SNX30: variants seen among roughly 807,000 people sequenced by gnomAD.
SNX30 encodes the protein sorting nexin family member 30.
In SNX30, 24 loss-of-function variants were observed where a neutral mutation model predicts 46.4. The ratio of observed to expected loss-of-function variants is 0.52; its 90% CI spans 0.37 to 0.73. SNX30 has a LOEUF of 0.73. Ranked by LOEUF, SNX30 falls within the 30% of genes least tolerant of loss-of-function variation. The pLI is 0.00. For missense variants in SNX30, 533 were observed against 555.7 expected (o/e 0.96, Z 0.41); for synonymous variants, 189 against 211.5 (o/e 0.89, Z 0.92).
At position 112,854,867 on chromosome 9, in the gene SNX30, T is replaced by A. The variant is rs1841095411; in HGVS notation, c.1101+3922T>A. Among the ~76,000 whole-genome samples, 3 of 152,092 alleles carry A rather than the reference T, an allele frequency of 2.0e-5. No individual in the cohort carries two copies. In the South Asian group the frequency reaches 6.2e-4, roughly 32 times the overall value. On this transcript the variant is annotated intron_variant, in intron 7 of 8. Transcript: ENST00000374232. ...GCCTCAGTTGCCTCCCACACATGAG[T>A]GTTGTGATGCCATAAAGTGCTCGGC... is the stretch of plus-strand genomic sequence containing the variant.
At chr9:112,880,955 C>T (rs1841568939) in intron 5 of SNX30, among the ~76,000 whole-genome samples, 1 of 152,138 alleles carries the variant, frequency 6.6e-6, no homozygotes, top group Non-Finnish European at 1.5e-5. Flanking sequence ...TTTTCTTTTT[C>T]CTGGAATCTC....
chr9:112,834,945 A>G (rs909093510), intron 4 of SNX30, among the ~76,000 whole-genome samples: 1 of 151,478 alleles, frequency 6.6e-6, no homozygotes, highest in Non-Finnish European at 1.5e-5. Flanking sequence ...GGAAGCGAAG[A>G]AGGAAGTGAA....
chr9:112,869,025 G>A lies in SNX30; in HGVS notation c.*182G>A. ...GGTTTTCAATTAGTATTTATTCCAT[G>A]GTGGAGTCTGTGAGGCTAGAATATC... On this transcript the variant is annotated 3_prime_UTR_variant, in exon 9 of 9. Transcript: ENST00000374232. 1 of 621,162 alleles carries A rather than the reference G, an allele frequency of 1.6e-6. No homozygotes were observed. The highest frequency in any genetic ancestry group is 2.9e-6 in the Non-Finnish European group (1 of 348,180). 38.5% of individuals were successfully genotyped at this position (621,162 alleles called of 1,614,324 possible). A position where few individuals can be genotyped will look rare whatever the true frequency, so the allele number is the denominator to read the frequency against.
intron 7 of SNX30, among the ~76,000 whole-genome samples, chr9:112,860,405 A>C (rs1259704336): frequency 6.6e-6 from 1 of 151,562 alleles, no homozygotes; most frequent in Non-Finnish European, 1.5e-5. Flanking sequence ...CCTGGCTGCA[A>C]CTCCCTCCTT....
At chr9:112,826,479 T>A (rs538162343) in intron 3 of SNX30, among the ~76,000 whole-genome samples, 1 of 152,202 alleles carries the variant, frequency 6.6e-6, no homozygotes. Context: ...AAACCAACCA[T>A]ATTTTTATAG....
chr9:112,756,119 C>A (rs1217064396), intron 1 of SNX30, among the ~76,000 whole-genome samples: 1 of 152,040 alleles, frequency 6.6e-6, no homozygotes, highest in Non-Finnish European at 1.5e-5. Flanking sequence ...TGTTCCTACC[C>A]CCAGATTAAG....
At chr9:112,755,779 A>G (rs1408463377) in intron 1 of SNX30, among the ~76,000 whole-genome samples, 1 of 151,838 alleles carries the variant, frequency 6.6e-6, no homozygotes, top group East Asian at 1.9e-4. Flanking sequence ...GTCACTTTCC[A>G]TCTCTTGGCT....
At position 112,868,982 on chromosome 9, in the gene SNX30, CA is replaced by C. The variant is rs1841403977; in HGVS notation, c.*140del. The C allele has an allele frequency of 3.8e-6, 3 of 794,284 alleles. No homozygotes were observed. In the African/African-American group the frequency reaches 5.1e-5, roughly 13 times the overall value. The allele number at this position is 794,284 out of a possible 1,614,324, so 49.2% of individuals were successfully genotyped here. ...CTCCTTTGTGTATTTTTCCCTCCCCCACCTTTCACCCCACAGTGGTTTTCAA... is the reference window on the plus strand; with the variant it reads ...CTCCTTTGTGTATTTTTCCCTCCCCCCCTTTCACCCCACAGTGGTTTTCAA... On this transcript the variant is annotated 3_prime_UTR_variant, in exon 9 of 9. Coordinates refer to ENST00000374232, the MANE Select transcript of SNX30 (RefSeq NM_001012994.2).
At chr9:112,830,282 A>G (rs1398773240) in intron 3 of SNX30, among the ~76,000 whole-genome samples, 1 of 152,170 alleles carries the variant, frequency 6.6e-6, no homozygotes, top group Admixed American at 6.5e-5. Flanking sequence ...TTCACCAAGT[A>G]TGAATGGGGA....
intron 7 of SNX30, among the ~76,000 whole-genome samples, chr9:112,860,442 T>G (rs1260901067): frequency 6.6e-6 from 1 of 152,212 alleles, no homozygotes; most frequent in African/African-American, 2.4e-5. Context: ...CTGTCCTTCA[T>G]TCTGAGCCTT....
Position 112,870,518 on chromosome 9 carries a change from A to G in SNX30, c.*1675A>G, listed in dbSNP as rs1402801520. 1 of 152,220 alleles carries G rather than the reference A, an allele frequency of 6.6e-6. No homozygotes were observed. Among genetic ancestry groups the G allele is most frequent in the Admixed American group, 6.5e-5 (1 of 15,290 alleles). 9.4% of individuals were successfully genotyped at this position (152,220 alleles called of 1,614,324 possible). A position where few individuals can be genotyped will look rare whatever the true frequency, so the allele number is the denominator to read the frequency against. On this transcript the variant is annotated 3_prime_UTR_variant, in exon 9 of 9. Coordinates refer to ENST00000374232, the MANE Select transcript of SNX30 (RefSeq NM_001012994.2). ...CAGTTTAAATGATAATGTTTAAATC[A>G]ATTGGTACTTGCCTGTAGTGTTAAA... is the stretch of plus-strand genomic sequence containing the variant.
intron 7 of SNX30, among the ~76,000 whole-genome samples, chr9:112,852,729 T>A (rs1314181849): frequency 6.6e-6 from 1 of 152,180 alleles, no homozygotes; most frequent in Non-Finnish European, 1.5e-5. Flanking sequence ...TGTCTCTTTT[T>A]GGTTTGTAAG....
At chr9:112,774,790 G>T (rs1839712030) in intron 1 of SNX30, among the ~76,000 whole-genome samples, 1 of 150,906 alleles carries the variant, frequency 6.6e-6, no homozygotes. Flanking sequence ...TTTGCCTTTG[G>T]GTTGTTTTTG....
Position 112,838,503 on chromosome 9 carries a change from C to A in SNX30, c.820C>A (p.Leu274Ile). The change falls in exon 6 of 9, where the codon CTT becomes ATT. Residue 274 changes from leucine (L) to isoleucine (I), a missense_variant. Around this residue, in one of 3 missense-constraint regions of SNX30, gnomAD observed 261 missense variants for 270.9 expected, o/e 0.96. Transcript: ENST00000374232. ...QRIIKEEIEY[L>I]VELREYGPVY... The stretch of plus-strand genomic sequence containing the variant: ...AGTTTCTGTTCCCTGTTCAGAGTAC[C>A]TTGTGGAGCTGAGAGAATACGGGCC... 6.2e-7 allele frequency: 1 copy of A among 1,610,696 alleles called. No homozygotes were observed.
chr9:112,822,873 G>A (rs1840527020), intron 3 of SNX30, among the ~76,000 whole-genome samples: 1 of 152,102 alleles, frequency 6.6e-6, no homozygotes, highest in South Asian at 2.1e-4. Flanking sequence ...TCCTTTAGTA[G>A]CCCTCTTGGT....
At chr9:112,858,117 G>A (rs1407604736) in intron 7 of SNX30, among the ~76,000 whole-genome samples, 1 of 152,120 alleles carries the variant, frequency 6.6e-6, no homozygotes, top group African/African-American at 2.4e-5. Context: ...GTCATGATAA[G>A]CAACACCCAA....
At chr9:112,883,800 C>T (rs1483157647), downstream of SNX30, among the ~76,000 whole-genome samples, 2 of 151,214 alleles carry the variant, frequency 1.3e-5, no homozygotes, top group South Asian at 2.1e-4. Flanking sequence ...TGGGTTCAAG[C>T]GATTCTCCTG....
chr9:112,807,256 A>T (rs1375095418), intron 2 of SNX30, among the ~76,000 whole-genome samples: 1 of 151,578 alleles, frequency 6.6e-6, no homozygotes, highest in Admixed American at 6.6e-5. Context: ...AGTAGAGATG[A>T]GGTTTTACTA....
chr9:112,859,366 A>G lies in SNX30; in HGVS notation c.1102-4881A>G, dbSNP rs116586280. Among the ~76,000 whole-genome samples the G allele has an allele frequency of 3.3e-3, 510 of 152,290 alleles. 3 individuals carry two copies. The highest frequency in any genetic ancestry group is 0.012 in the African/African-American group (502 of 41,556). ...TTTGTTTATCCATTCATCAGTGGAC[A>G]TCTGTGTTGCTTTCATCTTTGGGCT... On this transcript the variant is annotated intron_variant, in intron 7 of 8. Transcript: ENST00000374232.
Sources: gnomAD v4.1 joint callset for allele counts (sites outside exome capture counted in the v4.1 genomes callset) on GRCh38, gnomAD v4.1.1 for gene constraint, gnomAD v4.1.1 regional missense constraint, MANE v1.5 for transcripts, NCBI Gene and HGNC (gene_info 2026-07-23, HGNC 2026-07-21) for gene names.